IMMP2L: variants seen among roughly 807,000 people sequenced by gnomAD.
IMMP2L encodes the protein mitochondrial inner membrane protease subunit 2.
Under a neutral mutation model 19.3 loss-of-function variants are expected in IMMP2L, and 18 were observed. The observed-to-expected ratio is 0.93, with a 90% CI of 0.64 to 1.38. The LOEUF is 1.38. Ranked by LOEUF, IMMP2L falls within the 40% of genes most tolerant of loss-of-function variation. The pLI, the probability that IMMP2L is intolerant of heterozygous loss-of-function variation, is 0.00. For missense variants in IMMP2L, 233 were observed against 218.2 expected (o/e 1.07, Z -0.43); for synonymous variants, 76 against 73.0 (o/e 1.04, Z -0.21).
intron 3 of IMMP2L, among the ~76,000 whole-genome samples, chr7:111,201,380 A>G (rs115156969): frequency 0.011 from 1,625 of 152,100 alleles, 32 homozygotes; most frequent in African/African-American, 0.036. Flanking sequence ...GTGTCCACCC[A>G]AAATTCCTAT....
In IMMP2L at chr7:111,105,789, AATAG is replaced by A. The variant is rs1263200425; in HGVS notation, c.240-142228_240-142225del. 3.3e-5 allele frequency among the ~76,000 whole-genome samples: 5 copies of A among 151,848 alleles called. No individual in the cohort carries two copies. The East Asian group carries it at 5.8e-4, about 18-fold the overall frequency. On this transcript the variant is annotated intron_variant, in intron 3 of 5. Transcript: ENST00000405709. Reference sequence around the variant, plus strand: ...AAAAAATCCATAAAAATATAAAAGAAATAGATAGAGATGCCTATATCTAGTCACA... The same window carrying A: ...AAAAAATCCATAAAAATATAAAAGAAATAGAGATGCCTATATCTAGTCACA...
At chr7:110,943,111 A>T (rs1459145386) in intron 4 of IMMP2L, among the ~76,000 whole-genome samples, 1 of 152,030 alleles carries the variant, frequency 6.6e-6, no homozygotes, top group East Asian at 1.9e-4. Context: ...GCTAAGGCAT[A>T]CAGTTTCACG....
Position 111,467,881 on chromosome 7 carries a change from G to A in IMMP2L, c.239+19357C>T, listed in dbSNP as rs138418312. 1.4e-3 allele frequency among the ~76,000 whole-genome samples: 219 copies of A among 152,154 alleles called. 2 individuals are homozygous for A. The highest frequency in any genetic ancestry group is 5.1e-3 in the African/African-American group (211 of 41,514). ...TATTTATCCTCTTCCTCAGAGCATC[G>A]ATGCTTACACTGCCTAAGGGAAACC... On this transcript the variant is annotated intron_variant, in intron 3 of 5. Transcript: ENST00000405709.
At chr7:111,050,022 T>C (rs944902208) in intron 3 of IMMP2L, among the ~76,000 whole-genome samples, 6 of 152,306 alleles carry the variant, frequency 3.9e-5, no homozygotes, top group African/African-American at 1.2e-4. Context: ...AACTCTCCTC[T>C]CCTTGGTCAA....
intron 5 of IMMP2L, among the ~76,000 whole-genome samples, chr7:110,784,867 G>A (rs1359888522): frequency 1.3e-5 from 2 of 151,786 alleles, no homozygotes; most frequent in African/African-American, 2.4e-5. Flanking sequence ...GAGCTGCACT[G>A]TCCAGCATGG....
chr7:111,559,221 G>T (rs1384533574), intron 1 of IMMP2L, among the ~76,000 whole-genome samples: 1 of 151,988 alleles, frequency 6.6e-6, no homozygotes, highest in African/African-American at 2.4e-5. Flanking sequence ...AGATGTCTGT[G>T]AACTTGTCTT....
At chr7:110,875,508 G>T (rs1370610530) in intron 5 of IMMP2L, among the ~76,000 whole-genome samples, 2 of 152,074 alleles carry the variant, frequency 1.3e-5, no homozygotes, top group Non-Finnish European at 2.9e-5. Flanking sequence ...ATAATGACTT[G>T]TAGAAATGAC....
At chr7:111,542,921 A>G (rs1848615126) in intron 1 of IMMP2L, among the ~76,000 whole-genome samples, 1 of 152,184 alleles carries the variant, frequency 6.6e-6, no homozygotes. Flanking sequence ...TTGAAACAAA[A>G]GAAACATAAA....
intron 5 of IMMP2L, among the ~76,000 whole-genome samples, chr7:110,686,694 T>G (rs2130499661): frequency 6.6e-6 from 1 of 152,194 alleles, no homozygotes; most frequent in East Asian, 1.9e-4. Context: ...TACAGATTTT[T>G]TCTTGCTTGA....
Position 111,521,379 on chromosome 7 carries a change from C to A in IMMP2L, c.69G>T (p.Val23=), listed in dbSNP as rs1203094541. 6.2e-7 allele frequency: 1 copy of A among 1,613,068 alleles called. No homozygotes were observed. The highest frequency in any genetic ancestry group is 2.2e-5 in the East Asian group (1 of 44,868). ...GATCCAAGAAAGTCACTGCCACAGG[C>A]ACCGCCACAAAGAAGCCTTTACAAA... ...KAFCKGFFVA[V]PVAVTFLDRV... is the part of the protein sequence containing the mutation. The change falls in exon 2 of 6, where the codon GTG becomes GTT. Residue 23 remains valine, a synonymous_variant. Coordinates refer to ENST00000405709, the MANE Select transcript of IMMP2L (RefSeq NM_032549.4).
At chr7:111,298,085 G>T (rs253375) in intron 3 of IMMP2L, among the ~76,000 whole-genome samples, 1 of 151,858 alleles carries the variant, frequency 6.6e-6, no homozygotes, top group Non-Finnish European at 1.5e-5. Flanking sequence ...AAAATGTGGC[G>T]TATGCTTAAA....
At chr7:111,199,297 T>C (rs1048272702) in intron 3 of IMMP2L, among the ~76,000 whole-genome samples, 9 of 152,298 alleles carry the variant, frequency 5.9e-5, no homozygotes, top group African/African-American at 2.2e-4. Flanking sequence ...TCTTTGATTC[T>C]AAAACTAAGA....
At chr7:111,098,357 C>T (rs988685186) in intron 3 of IMMP2L, among the ~76,000 whole-genome samples, 2 of 151,726 alleles carry the variant, frequency 1.3e-5, no homozygotes, top group Non-Finnish European at 2.9e-5. Flanking sequence ...AAACCATTTC[C>T]TCAATCAATT....
chr7:110,957,823 G>A (rs2129554909), intron 4 of IMMP2L, among the ~76,000 whole-genome samples: 1 of 152,042 alleles, frequency 6.6e-6, no homozygotes, highest in South Asian at 2.1e-4. Flanking sequence ...AGTTTTCAGT[G>A]AACATCCTAC....
Position 111,314,921 on chromosome 7 carries a change from CTGTT to C in IMMP2L, c.239+172313_239+172316del, listed in dbSNP as rs776969735. 3.3e-5 allele frequency among the ~76,000 whole-genome samples: 5 copies of C among 152,196 alleles called. No individual in the cohort carries two copies. The East Asian group carries it at 7.7e-4, about 24-fold the overall frequency. ...TTTTTTGTCTGCTATTTTGTCATGACTGTTTGACAGAAAATCTACCCTTTTAATA... is the reference window on the plus strand; with the variant it reads ...TTTTTTGTCTGCTATTTTGTCATGACTGACAGAAAATCTACCCTTTTAATA... On this transcript the variant is annotated intron_variant, in intron 3 of 5. Coordinates refer to ENST00000405709, the MANE Select transcript of IMMP2L (RefSeq NM_032549.4).
At chr7:110,962,852 G>T (rs1339210505) in intron 4 of IMMP2L, 1 of 1,294,322 alleles carries the variant, frequency 7.7e-7, no homozygotes, top group East Asian at 2.9e-5. Flanking sequence ...CTACCACATT[G>T]TATAGGCCTG....
chr7:111,442,552 G>A (rs1348284576), intron 3 of IMMP2L, among the ~76,000 whole-genome samples: 1 of 151,514 alleles, frequency 6.6e-6, no homozygotes, highest in Non-Finnish European at 1.5e-5. Context: ...TCATATCAAA[G>A]ATGGCTACAA....
chr7:111,376,278 A>G (rs548809204), intron 3 of IMMP2L, among the ~76,000 whole-genome samples: 1 of 152,284 alleles, frequency 6.6e-6, no homozygotes, highest in South Asian at 2.1e-4. Flanking sequence ...CTTAAAATAC[A>G]TATGTGGCCA....
intron 3 of IMMP2L, among the ~76,000 whole-genome samples, chr7:111,423,773 T>G (rs1032921651): frequency 6.6e-6 from 1 of 151,602 alleles, no homozygotes; most frequent in East Asian, 1.9e-4. Context: ...GCAAACAAAT[T>G]CAAAAGCCAG....
Sources: allele counts gnomAD v4.1 joint callset (sites outside exome capture counted in the v4.1 genomes callset), GRCh38; gene constraint gnomAD v4.1.1; transcripts MANE v1.5; gene names NCBI Gene and HGNC (gene_info 2026-07-23, HGNC 2026-07-21).